The following ARHGEF16 variants were observed in gnomAD, a reference collection of about 807,000 sequenced individuals.
The protein encoded by ARHGEF16 is Rho guanine nucleotide exchange factor 16.
A neutral mutation model predicts 74.1 loss-of-function variants in ARHGEF16; 59 were observed. That is an observed-to-expected ratio of 0.80 (90% CI 0.65 to 0.99). The LOEUF (loss-of-function observed/expected upper bound fraction) is 0.99, where lower values mean the gene tolerates loss of function less well. Among genes scored for constraint, ARHGEF16 ranks in the 50% least tolerant of loss-of-function variants. The pLI is 0.00. For missense variants in ARHGEF16, 948 were observed against 986.6 expected (o/e 0.96, Z 0.52); for synonymous variants, 415 against 412.6 (o/e 1.01, Z -0.07).
chr1:3,469,076 C>T (rs1168469140), intron 5 of ARHGEF16, 140 bp downstream of exon 5: 19 of 1,090,712 alleles, frequency 1.7e-5, no homozygotes, highest in South Asian at 5.6e-5. Flanking sequence ...CGCTGACCAG[C>T]GCCTCACACA....
intron 6 of ARHGEF16, 64 bp from the exon 7 acceptor site, chr1:3,473,014 G>A (rs1639775685): frequency 1.3e-6 from 2 of 1,549,402 alleles, no homozygotes; most frequent in East Asian, 2.3e-5. Flanking sequence ...GCATGTCTGT[G>A]TGTGCACACG....
chr1:3,463,156 G>A lies in ARHGEF16; in HGVS notation c.72G>A (p.Arg24=), dbSNP rs1478891893. 6.6e-7 allele frequency: 1 copy of A among 1,506,592 alleles called. No homozygotes were observed. Among genetic ancestry groups the A allele is most frequent in the Non-Finnish European group, 8.9e-7 (1 of 1,122,468 alleles). 93.3% of individuals were successfully genotyped at this position (1,506,592 alleles called of 1,614,324 possible). A position where few individuals can be genotyped will look rare whatever the true frequency, so the allele number is the denominator to read the frequency against. ...LLGHRFHSEL[R]LDAGGNPASG... ...GACACCGCTTCCACTCGGAGCTCCG[G>A]CTCGATGCCGGGGGGAACCCAGCCT... The change falls in exon 2 of 15, where the codon CGG becomes CGA. Residue 24 remains arginine (R), a synonymous_variant. Coordinates refer to ENST00000378378, the MANE Select transcript of ARHGEF16 (RefSeq NM_014448.4).
At chr1:3,472,995 C>T (rs968642773) in intron 6 of ARHGEF16, 83 bp from the exon 7 acceptor site, 5 of 1,424,632 alleles carry the variant, frequency 3.5e-6, no homozygotes, top group Middle Eastern at 2.2e-4. Flanking sequence ...TGTGAGTGTG[C>T]ATGCAGATGC....
In ARHGEF16 at chr1:3,474,724, C is replaced by A; in HGVS notation, c.1322C>A (p.Thr441Asn). 2 of 1,612,890 alleles carry A rather than the reference C, an allele frequency of 1.2e-6. No individual in the cohort carries two copies. Among genetic ancestry groups the A allele is most frequent in the East Asian group, 4.5e-5 (2 of 44,886 alleles). The change falls in exon 9 of 15, where the codon ACC becomes AAC. Residue 441 changes from threonine (T) to asparagine (N), a missense_variant. Thr to Asn is a moderately conservative substitution (Grantham distance 65). Transcript: ENST00000378378. ...TCCATCCAGACGCTCTGCCTCAAGA[C>A]CCAGGGCCACTCCGAAAGGTACAAG... Reference protein sequence around the residue: ...PLLMDTLCLKTQGHSERYKAA... With the variant: ...PLLMDTLCLKNQGHSERYKAA...
intron 6 of ARHGEF16, 87 bp downstream of exon 6, chr1:3,469,680 C>A: frequency 6.5e-7 from 1 of 1,532,612 alleles, no homozygotes; most frequent in East Asian, 2.3e-5. Context: ...TCAGCAGGCC[C>A]CTGGGAGCCT....
chr1:3,474,897 G>A lies in ARHGEF16; in HGVS notation c.1380+115G>A, dbSNP rs535740537. 32 of 890,342 alleles carry A rather than the reference G, an allele frequency of 3.6e-5. No individual in the cohort carries two copies. In the East Asian group the frequency reaches 8.5e-4, roughly 24 times the overall value. The allele number at this position is 890,342 out of a possible 1,614,324, so 55.2% of individuals were successfully genotyped here. A position where few individuals can be genotyped will look rare whatever the true frequency, so the allele number is the denominator to read the frequency against. The stretch of plus-strand genomic sequence containing the variant: ...GGCTTCCCCTACCTTCCAGGGCAGC[G>A]AGTGTTCTCAGATTATCCATCCCAA... On this transcript the variant is annotated intron_variant, in intron 9 of 14. Coordinates refer to ENST00000378378, the MANE Select transcript of ARHGEF16 (RefSeq NM_014448.4).
intron 1 of ARHGEF16, 58 bp from the exon 2 acceptor site, chr1:3,463,008 C>T (rs1639439277): frequency 4.0e-6 from 5 of 1,256,746 alleles, no homozygotes; most frequent in African/African-American, 1.5e-5. Flanking sequence ...GGGGGGTGGA[C>T]ACCCGCGGGG....
At position 3,476,004 on chromosome 1, in the gene ARHGEF16, T is replaced by C; in HGVS notation, c.1415T>C (p.Met472Thr). Reference protein sequence around the residue: ...VRQCNEGAHRMERMEQMYTLH... With the variant: ...VRQCNEGAHRTERMEQMYTLH... ...CAGTGCAACGAGGGGGCCCACAGGA[T>C]GGAGCGCATGGAGCAGATGTACACG... Residue 472 changes from methionine to threonine, a missense_variant, in exon 10 of 15, where the codon ATG becomes ACG. Transcript: ENST00000378378. 1 of 1,557,112 alleles carries C rather than the reference T, an allele frequency of 6.4e-7. No individual in the cohort carries two copies. The highest frequency in any genetic ancestry group is 8.7e-7 in the Non-Finnish European group (1 of 1,150,424).
At chr1:3,469,056 G>A in intron 5 of ARHGEF16, 120 bp downstream of exon 5, 1 of 1,270,278 alleles carries the variant, frequency 7.9e-7, no homozygotes, top group Non-Finnish European at 1.1e-6. Context: ...TCCAGTGCCA[G>A]GCCCTGTCAC....
At chr1:3,474,680 T>C in intron 8 of ARHGEF16, 28 bp from the exon 9 acceptor site, 1 of 1,601,090 alleles carries the variant, frequency 6.2e-7, no homozygotes, top group Non-Finnish European at 8.6e-7. Context: ...AGAGGGGACT[T>C]TCTGTCCCAT....
chr1:3,468,400 C>G (rs778632389), intron 4 of ARHGEF16: 1 of 189,140 alleles, frequency 5.3e-6, no homozygotes, highest in Non-Finnish European at 1.1e-5. Flanking sequence ...CCCGCCAAGG[C>G]GACCCGCCAG....
At chr1:3,458,829 A>T (rs1045617000) in intron 1 of ARHGEF16, among the ~76,000 whole-genome samples, 8 of 152,242 alleles carry the variant, frequency 5.3e-5, no homozygotes, top group Non-Finnish European at 8.8e-5. Context: ...AGACAATAGA[A>T]GATGTTACAC....
chr1:3,470,366 G>C (rs888594262), intron 6 of ARHGEF16, among the ~76,000 whole-genome samples: 1 of 151,620 alleles, frequency 6.6e-6, no homozygotes, highest in Admixed American at 6.6e-5. Context: ...GGGCAGGTAT[G>C]TGTGTGTGTA....
chr1:3,478,036 G>A lies in ARHGEF16; in HGVS notation c.1625+10G>A, dbSNP rs1639941851. 1 of 1,612,538 alleles carries A rather than the reference G, an allele frequency of 6.2e-7. No homozygotes were observed. Among genetic ancestry groups the A allele is most frequent in the African/African-American group, 1.3e-5 (1 of 74,930 alleles). On this transcript the variant is annotated intron_variant, in intron 11 of 14. Coordinates refer to ENST00000378378, the MANE Select transcript of ARHGEF16 (RefSeq NM_014448.4). ...TGACCAAGAAGAAGAGGTGGCCTTA[G>A]GGCAGGAGGGTGTGGGGAGCCCCAC...
chr1:3,470,697 G>A (rs1039290279), intron 6 of ARHGEF16, among the ~76,000 whole-genome samples: 16 of 151,126 alleles, frequency 1.1e-4, no homozygotes, highest in African/African-American at 3.4e-4. Context: ...GGGCAAGGGT[G>A]TCTGTGCATG....
At chr1:3,474,935 G>A (rs540404308) in intron 9 of ARHGEF16, among the ~76,000 whole-genome samples, 153 bp downstream of exon 9, 14 of 151,024 alleles carry the variant, frequency 9.3e-5, no homozygotes, top group East Asian at 2.0e-4. Context: ...CTTTCACAGC[G>A]CTGACAGGGA....
chr1:3,462,092 G>A (rs985359410), intron 1 of ARHGEF16, among the ~76,000 whole-genome samples: 2 of 151,766 alleles, frequency 1.3e-5, no homozygotes, highest in Admixed American at 6.6e-5. Flanking sequence ...GCGGGCAGGA[G>A]TGTGGCGGGG....
chr1:3,477,885 T>G lies in ARHGEF16; in HGVS notation c.1484T>G (p.Leu495Arg). The G allele has an allele frequency of 6.2e-7, 1 of 1,603,142 alleles. No homozygotes were observed. Among genetic ancestry groups the G allele is most frequent in the Non-Finnish European group, 8.5e-7 (1 of 1,171,808 alleles). ...GCTCTGTCCCCCCAGTCCCTCCCACTGATCTCTGCCTCCCGGTGGCTGCTG... is the reference window on the plus strand; with the variant it reads ...GCTCTGTCCCCCCAGTCCCTCCCACGGATCTCTGCCTCCCGGTGGCTGCTG... ...LDFSKVKSLP[L>R]ISASRWLLKR... is the part of the protein sequence containing the mutation. Residue 495 changes from leucine to arginine, a missense_variant, in exon 11 of 15, where the codon CTG (leucine) becomes CGG (arginine). Coordinates refer to ENST00000378378, the MANE Select transcript of ARHGEF16 (RefSeq NM_014448.4).
chr1:3,469,505 C>T lies in ARHGEF16; in HGVS notation c.934C>T (p.Gln312Ter). ...SLSILVEEFL[Q>*]SKELRATVTQ... ...GAGCATCCTGGTGGAGGAGTTCCTG[C>T]AGTCCAAGGAGCTGCGGGCGACCGT... Residue 312 changes from glutamine to a stop codon, truncating the protein, a stop_gained, in exon 6 of 15, where the codon CAG becomes TAG. Transcript: ENST00000378378. LOFTEE classifies it high-confidence loss of function. The T allele has an allele frequency of 1.2e-6, 2 of 1,613,234 alleles. No homozygotes were observed. Among genetic ancestry groups the T allele is most frequent in the Non-Finnish European group, 1.7e-6 (2 of 1,179,990 alleles).
Sources: allele counts gnomAD v4.1 joint callset (sites outside exome capture counted in the v4.1 genomes callset), GRCh38; gene constraint gnomAD v4.1.1; transcripts MANE v1.5; gene names NCBI Gene and HGNC (gene_info 2026-07-23, HGNC 2026-07-21).